PLCB1: variants seen among roughly 807,000 people sequenced by gnomAD.
PLCB1 encodes the protein 1-phosphatidylinositol 4,5-bisphosphate phosphodiesterase beta-1.
PLCB1 carries 46 observed loss-of-function variants against 161.8 expected under a neutral mutation model. The ratio of observed to expected loss-of-function variants is 0.28; its 90% CI spans 0.22 to 0.36. The LOEUF (loss-of-function observed/expected upper bound fraction) is 0.36. Among genes scored for constraint, PLCB1 ranks in the 10% least tolerant of loss-of-function variants. The pLI is 1.00. For missense variants in PLCB1, 1,016 were observed against 1,472.5 expected (o/e 0.69, Z 5.07); for synonymous variants, 517 against 503.7 (o/e 1.03, Z -0.35).
chr20:8,635,669 A>G (rs1988742158), intron 4 of PLCB1, among the ~76,000 whole-genome samples: 1 of 152,222 alleles, frequency 6.6e-6, no homozygotes, highest in South Asian at 2.1e-4. Flanking sequence ...CTATTTACCA[A>G]ATAGTTGACA....
chr20:8,591,298 G>C (rs1243689088), intron 3 of PLCB1, among the ~76,000 whole-genome samples: 1 of 152,050 alleles, frequency 6.6e-6, no homozygotes, highest in East Asian at 1.9e-4. Flanking sequence ...GACAACTTTG[G>C]GGAGCCATTA....
intron 2 of PLCB1, among the ~76,000 whole-genome samples, chr20:8,184,377 T>A (rs187415094): frequency 6.6e-6 from 1 of 152,178 alleles, no homozygotes. Flanking sequence ...GAAATGATTA[T>A]GAAGAAATTG....
chr20:8,137,953 TG>T (rs1250443721), intron 1 of PLCB1, among the ~76,000 whole-genome samples: 1 of 152,244 alleles, frequency 6.6e-6, no homozygotes, highest in Non-Finnish European at 1.5e-5. Context: ...TCAGTTTAGA[TG>T]GCCATTGATT....
chr20:8,682,901 A>G (rs73078034), intron 9 of PLCB1, among the ~76,000 whole-genome samples: 6,386 of 152,284 alleles, frequency 0.042, 191 homozygotes, highest in South Asian at 0.099. Flanking sequence ...TCCTGAAGAA[A>G]TAATTAAGTA....
chr20:8,813,121 A>C (rs1029829395), intron 31 of PLCB1, among the ~76,000 whole-genome samples: 1 of 152,188 alleles, frequency 6.6e-6, no homozygotes, highest in African/African-American at 2.4e-5. Context: ...GCTGTGACAG[A>C]TAGATGTTTG....
Position 8,758,070 on chromosome 20 carries a change from C to T in PLCB1, c.2656+892C>T, listed in dbSNP as rs184322654. ...CACAGTGCTGGGGAATAGCATGTACCTGATAATTTCTTGTTGAATTGGTTA... is the reference window on the plus strand; with the variant it reads ...CACAGTGCTGGGGAATAGCATGTACTTGATAATTTCTTGTTGAATTGGTTA... On this transcript the variant is annotated intron_variant, in intron 24 of 31. Transcript: ENST00000338037. Among the ~76,000 whole-genome samples, 193 of 150,936 alleles carry T rather than the reference C, an allele frequency of 1.3e-3. 1 individual carries two copies. Among genetic ancestry groups the T allele is most frequent in the African/African-American group, 4.5e-3 (186 of 40,898 alleles).
At chr20:8,525,321 G>C (rs550274050) in intron 3 of PLCB1, among the ~76,000 whole-genome samples, 2 of 151,924 alleles carry the variant, frequency 1.3e-5, no homozygotes, top group East Asian at 1.9e-4. Flanking sequence ...AGAAAGGCAT[G>C]CTATTTATTT....
At chr20:8,200,949 C>T (rs2052085825) in intron 2 of PLCB1, among the ~76,000 whole-genome samples, 1 of 151,974 alleles carries the variant, frequency 6.6e-6, no homozygotes, top group Admixed American at 6.6e-5. Context: ...AAAAATTATA[C>T]ATAGGCTAAG....
Position 8,834,765 on chromosome 20 carries a change from A to C in PLCB1, c.3423+44504A>C, listed in dbSNP as rs1392271649. Among the ~76,000 whole-genome samples the C allele has an allele frequency of 3.5e-5, 5 of 143,454 alleles. 1 individual carries two copies. Among genetic ancestry groups the C allele is most frequent in the African/African-American group, 1.3e-4 (5 of 38,208 alleles). The allele number at this position is 143,454 out of a possible 152,430, so 94.1% of individuals were successfully genotyped here. A position where few individuals can be genotyped will look rare whatever the true frequency, so the allele number is the denominator to read the frequency against. On this transcript the variant is annotated intron_variant, in intron 31 of 31. Transcript: ENST00000338037. Reference sequence around the variant, plus strand: ...GGGAGGCAGAGGTTGCAGTGAGCCAAGTCCGCGCCACTGCACTCCAGCCTG... The same window carrying C: ...GGGAGGCAGAGGTTGCAGTGAGCCACGTCCGCGCCACTGCACTCCAGCCTG...
chr20:8,607,879 A>T (rs1987802431), intron 3 of PLCB1, among the ~76,000 whole-genome samples: 1 of 152,240 alleles, frequency 6.6e-6, no homozygotes. Flanking sequence ...TAGAATTTTT[A>T]AAAGTTAGAT....
intron 31 of PLCB1, among the ~76,000 whole-genome samples, chr20:8,823,789 C>T (rs1985553910): frequency 6.6e-6 from 1 of 152,338 alleles, no homozygotes; most frequent in East Asian, 1.9e-4. Flanking sequence ...GCCTTCTACA[C>T]AGGAATGCCT....
intron 4 of PLCB1, among the ~76,000 whole-genome samples, chr20:8,632,045 T>TTG (rs1555778242): frequency 6.9e-4 from 48 of 69,346 alleles, no homozygotes; most frequent in Non-Finnish European, 9.0e-4. Context: ...CTTTTTTTTT[T>TTG]TTTTTTTTTT....
chr20:8,649,499 T>A (rs758445598), intron 7 of PLCB1, 50 bp downstream of exon 7: 1 of 1,324,812 alleles, frequency 7.5e-7, no homozygotes, highest in African/African-American at 1.4e-5. Context: ...CCTCCAAAAC[T>A]CATGTTGAAA....
intron 2 of PLCB1, among the ~76,000 whole-genome samples, chr20:8,240,860 G>A (rs1181317521): frequency 2.0e-5 from 3 of 151,792 alleles, no homozygotes; most frequent in East Asian, 3.9e-4. Flanking sequence ...TATTAAACTA[G>A]CCCCATGAAA....
At chr20:8,445,135 A>G (rs573949085) in intron 3 of PLCB1, among the ~76,000 whole-genome samples, 2,850 of 151,696 alleles carry the variant, frequency 0.019, 80 homozygotes, top group African/African-American at 0.065. Context: ...CCTATGTCCT[A>G]AATGGTATTG....
rs150140259 is a variant in PLCB1 at position 8,657,870 on chromosome 20, A to G, written c.695+586A>G. On this transcript the variant is annotated intron_variant, in intron 8 of 31. Coordinates refer to ENST00000338037, the MANE Select transcript of PLCB1 (RefSeq NM_015192.4). ...CTGAAATCCACATGACAGAAAATCAATACAAAATGTGGTAAACAAAATAAG... is the reference window on the plus strand; with the variant it reads ...CTGAAATCCACATGACAGAAAATCAGTACAAAATGTGGTAAACAAAATAAG... Among the ~76,000 whole-genome samples, 1,085 of 152,280 alleles carry G rather than the reference A, an allele frequency of 7.1e-3. 6 individuals carry two copies. Among genetic ancestry groups the G allele is most frequent in the Middle Eastern group, 0.037 (11 of 294 alleles).
rs528083590 is a variant in PLCB1, at chr20:8,807,202, G to A, written c.3423+16941G>A. ...TGAAATAATAGTTATGAGATCCAGA[G>A]AATTCAAGGTGTTGGAGGACTCATT... On this transcript the variant is annotated intron_variant, in intron 31 of 31. Coordinates refer to ENST00000338037, the MANE Select transcript of PLCB1 (RefSeq NM_015192.4). Among the ~76,000 whole-genome samples the A allele has an allele frequency of 3.3e-5, 5 of 152,290 alleles. No individual in the cohort carries two copies. The South Asian group carries it at 1.0e-3, about 32-fold the overall frequency.
chr20:8,685,652 A>T (rs142315011), intron 10 of PLCB1, among the ~76,000 whole-genome samples: 2 of 151,406 alleles, frequency 1.3e-5, no homozygotes, highest in Non-Finnish European at 2.9e-5. Context: ...CAGGAGAATC[A>T]CCTGAACCCA....
At chr20:8,242,373 T>C (rs1980661566) in intron 2 of PLCB1, among the ~76,000 whole-genome samples, 1 of 151,924 alleles carries the variant, frequency 6.6e-6, no homozygotes, top group Non-Finnish European at 1.5e-5. Flanking sequence ...GAGCAGGTTC[T>C]TTTATATCAT....
Sources: gnomAD v4.1 joint callset for allele counts (sites outside exome capture counted in the v4.1 genomes callset) on GRCh38, gnomAD v4.1.1 for gene constraint, MANE v1.5 for transcripts, NCBI Gene and HGNC (gene_info 2026-07-23, HGNC 2026-07-21) for gene names.